Variants in HNRNPM observed in about 807,000 individuals in gnomAD.
HNRNPM encodes the protein CEA receptor.
HNRNPM carries 11 observed loss-of-function variants against 73.1 expected under a neutral mutation model. The observed-to-expected ratio is 0.15, with a 90% confidence interval of 0.09 to 0.25. The LOEUF (loss-of-function observed/expected upper bound fraction) is 0.25. Among genes scored for constraint, HNRNPM ranks in the 10% least tolerant of loss-of-function variants. The pLI, the probability that HNRNPM is intolerant of heterozygous loss-of-function variation, is 1.00. For synonymous variants in HNRNPM, 407 were observed against 355.2 expected (o/e 1.15, Z -1.64); for missense variants, 789 against 1,067.9 (o/e 0.74, Z 3.64).
intron 9 of HNRNPM, among the ~76,000 whole-genome samples, chr19:8,470,808 G>A (rs1284248240): frequency 6.6e-6 from 1 of 152,200 alleles, no homozygotes; most frequent in African/African-American, 2.4e-5. Flanking sequence ...TGTGGGTTGG[G>A]AAGCTTTGGG....
At chr19:8,455,851 T>C (rs1968974666) in intron 2 of HNRNPM, among the ~76,000 whole-genome samples, 1 of 151,934 alleles carries the variant, frequency 6.6e-6, no homozygotes, top group African/African-American at 2.4e-5. Context: ...TTAGTATGGT[T>C]AATAAGGCTT....
Position 8,462,575 on chromosome 19 carries a change from G to A in HNRNPM, c.330G>A (p.Lys110=). The A allele has an allele frequency of 6.2e-7, 1 of 1,612,806 alleles. No homozygotes were observed. The highest frequency in any genetic ancestry group is 8.5e-7 in the Non-Finnish European group (1 of 1,178,734). ...YVELLMDAEG[K]SRGCAVVEFK... The stretch of plus-strand genomic sequence containing the variant: ...AGCTCTTAATGGACGCTGAAGGAAA[G>A]TCAAGGGTAAGTGTCTGAGAGAATT... Residue 110 remains lysine (K), a synonymous_variant, in exon 3 of 16, where the codon AAG becomes AAA. Coordinates refer to ENST00000325495, the MANE Select transcript of HNRNPM (RefSeq NM_005968.5). The surrounding 1 kb of genome is among the most constrained non-coding windows in gnomAD (Gnocchi z 4.5).
chr19:8,461,259 T>TA (rs566391078), intron 2 of HNRNPM, among the ~76,000 whole-genome samples: 216 of 152,372 alleles, frequency 1.4e-3, no homozygotes, highest in African/African-American at 5.0e-3. Flanking sequence ...TTCAGATCTT[T>TA]AAATTTTTTG....
chr19:8,483,112 C>T (rs376457946), intron 12 of HNRNPM, 46 bp from the exon 13 acceptor site: 13 of 1,212,060 alleles, frequency 1.1e-5, no homozygotes, highest in African/African-American at 1.1e-4. Flanking sequence ...ATTTCTATTG[C>T]CATAGAGGAA....
At position 8,488,881 on chromosome 19, in the gene HNRNPM, C is replaced by T. The variant is rs569828411; in HGVS notation, c.*27C>T. 4.4e-5 allele frequency: 69 copies of T among 1,568,326 alleles called. 1 individual carries two copies. The highest frequency in any genetic ancestry group is 9.1e-5 in the South Asian group (8 of 88,000). The stretch of plus-strand genomic sequence containing the variant: ...CAGTTGCCTTTTTTAAACATCGATA[C>T]GAGACCTCTGAATTTGTATTTTTTC... On this transcript the variant is annotated 3_prime_UTR_variant, in exon 16 of 16. Coordinates refer to ENST00000325495, the MANE Select transcript of HNRNPM (RefSeq NM_005968.5).
chr19:8,464,425 T>C (rs1287528776), intron 5 of HNRNPM, among the ~76,000 whole-genome samples: 1 of 151,994 alleles, frequency 6.6e-6, no homozygotes, highest in East Asian at 1.9e-4. Context: ...ATCAAGGTCA[T>C]GAGTTCAAGA....
At chr19:8,475,138 CAG>C (rs1440459686) in intron 12 of HNRNPM, among the ~76,000 whole-genome samples, 1 of 152,224 alleles carries the variant, frequency 6.6e-6, no homozygotes, top group Non-Finnish European at 1.5e-5. Context: ...AACTGAGGCA[CAG>C]AGAGTGACAT....
intron 13 of HNRNPM, among the ~76,000 whole-genome samples, chr19:8,484,143 G>A (rs1464787082): frequency 6.7e-6 from 1 of 149,876 alleles, no homozygotes; most frequent in Non-Finnish European, 1.5e-5. Context: ...TGGCTCTGGA[G>A]CTCCACGCTG....
At chr19:8,463,435 A>G (rs1374005442) in intron 3 of HNRNPM, 62 bp from the exon 4 acceptor site, 3 of 1,543,800 alleles carry the variant, frequency 1.9e-6, no homozygotes, top group Non-Finnish European at 1.8e-6. Context: ...GATATTTACT[A>G]TTTTTTTCTT....
chr19:8,462,611 A>C lies in HNRNPM; in HGVS notation c.336+30A>C. ...GTGTCTGAGAGAATTTCTTCTGTGGATTTACTACATGAAAAATGTAACTGT... is the reference window on the plus strand; with the variant it reads ...GTGTCTGAGAGAATTTCTTCTGTGGCTTTACTACATGAAAAATGTAACTGT... On this transcript the variant is annotated intron_variant, in intron 3 of 15. Transcript: ENST00000325495. This position sits in a 1 kb window ranked among gnomAD's most constrained non-coding sequence, Gnocchi z 4.5. 6.4e-7 allele frequency: 1 copy of C among 1,559,492 alleles called. No homozygotes were observed. Among genetic ancestry groups the C allele is most frequent in the Non-Finnish European group, 8.8e-7 (1 of 1,130,138 alleles).
At position 8,445,120 on chromosome 19, in the gene HNRNPM, C is replaced by T; in HGVS notation, c.113+9C>T. 1 of 1,395,212 alleles carries T rather than the reference C, an allele frequency of 7.2e-7. No individual in the cohort carries two copies. The highest frequency in any genetic ancestry group is 9.3e-7 in the Non-Finnish European group (1 of 1,071,972). 86.4% of individuals were successfully genotyped at this position (1,395,212 alleles called of 1,614,324 possible). On this transcript the variant is annotated intron_variant, in intron 1 of 15. Coordinates refer to ENST00000325495, the MANE Select transcript of HNRNPM (RefSeq NM_005968.5). ...GCTCCGGGCCCTAAGGGGTGAGTATCCCACGGTCCTTTGCCACGGGTAAGG... is the reference window on the plus strand; with the variant it reads ...GCTCCGGGCCCTAAGGGGTGAGTATTCCACGGTCCTTTGCCACGGGTAAGG...
At chr19:8,483,237 T>C in intron 13 of HNRNPM, 26 bp downstream of exon 13, 1 of 1,593,626 alleles carries the variant, frequency 6.3e-7, no homozygotes, top group Non-Finnish European at 8.6e-7. Context: ...TTTGATGTTT[T>C]GTTTTTTTAG....
chr19:8,475,607 T>C (rs1255789922), intron 12 of HNRNPM, among the ~76,000 whole-genome samples: 1 of 152,194 alleles, frequency 6.6e-6, no homozygotes, highest in African/African-American at 2.4e-5. Context: ...CATGGGTGCC[T>C]TGTTCTAGAA....
intron 6 of HNRNPM, 143 bp downstream of exon 6, chr19:8,465,658 T>G (rs374672075): frequency 1.1e-5 from 7 of 661,426 alleles, no homozygotes; most frequent in Middle Eastern, 3.2e-4. Context: ...AAAATCAGCC[T>G]TATAGGCGGG....
At position 8,464,197 on chromosome 19, in the gene HNRNPM, A is replaced by ATT. The variant is rs1340355974; in HGVS notation, c.438+512_438+513dup. ...GATGTGGAGGTTGCAGTGAGCTGAG[A>ATT]TTGCACCATTGCACTCCAGCCCGGG... On this transcript the variant is annotated intron_variant, in intron 5 of 15. Coordinates refer to ENST00000325495, the MANE Select transcript of HNRNPM (RefSeq NM_005968.5). Among the ~76,000 whole-genome samples, 10 of 151,986 alleles carry ATT rather than the reference A, an allele frequency of 6.6e-5. No individual in the cohort carries two copies. The South Asian group carries it at 1.9e-3, about 28-fold the overall frequency.
chr19:8,473,839 C>A, intron 11 of HNRNPM, 131 bp downstream of exon 11: 2 of 666,640 alleles, frequency 3.0e-6, no homozygotes, highest in Non-Finnish European at 5.2e-6. Flanking sequence ...AAATGACTTC[C>A]TCCTGCCTGT....
At chr19:8,445,875 T>C (rs1968137945) in intron 1 of HNRNPM, among the ~76,000 whole-genome samples, 1 of 152,266 alleles carries the variant, frequency 6.6e-6, no homozygotes, top group South Asian at 2.1e-4. Flanking sequence ...CTTTTTCCCG[T>C]GTTTCGGGGA....
At position 8,486,171 on chromosome 19, in the gene HNRNPM, GGAGCGCATGGGTGCCAACAGCCTC is replaced by G. The variant is rs751965985; in HGVS notation, c.1755_1778del (p.Ala586_Gly593del). The G allele has an allele frequency of 1.1e-5, 18 of 1,605,938 alleles. No homozygotes were observed. The highest frequency in any genetic ancestry group is 6.7e-5 in the African/African-American group (5 of 74,730). On this transcript the variant is annotated inframe_deletion, in exon 14 of 16. Coordinates refer to ENST00000325495, the MANE Select transcript of HNRNPM (RefSeq NM_005968.5). ...CCAACAGCCTCGAGCGCATGGGCCT[GGAGCGCATGGGTGCCAACAGCCTC>G]GAGCGCATGGGCCCTGCCATGGGCC...
intron 1 of HNRNPM, among the ~76,000 whole-genome samples, chr19:8,448,401 G>C (rs1330108629): frequency 6.6e-6 from 1 of 151,860 alleles, no homozygotes; most frequent in Admixed American, 6.6e-5. Context: ...GGAATGTATA[G>C]GTTTTTAAAA....
Sources: gnomAD v4.1 joint callset for allele counts (sites outside exome capture counted in the v4.1 genomes callset) on GRCh38, gnomAD v4.1.1 for gene constraint, Gnocchi (gnomAD v3.1) non-coding constraint, MANE v1.5 for transcripts, NCBI Gene and HGNC (gene_info 2026-07-23, HGNC 2026-07-21) for gene names.